Variants in GPR35 observed in about 807,000 individuals in gnomAD.
GPR35 encodes the protein G protein-coupled receptor 35, also known as KYNA receptor.
For missense variants in GPR35, 372 were observed against 422.5 expected, an observed-to-expected ratio of 0.88 and a Z score of 1.05; for synonymous variants, 207 against 198.4, an observed-to-expected ratio of 1.04 and a Z score of -0.36.
intron 2 of GPR35, among the ~76,000 whole-genome samples, chr2:240,614,283 C>A (rs1446003084): frequency 6.6e-6 from 1 of 152,196 alleles, no homozygotes; most frequent in Non-Finnish European, 1.5e-5. Context: ...CTAACCCTGA[C>A]TCTAGTCCTC....
chr2:240,614,357 C>A (rs2043219347), intron 2 of GPR35, among the ~76,000 whole-genome samples: 1 of 152,224 alleles, frequency 6.6e-6, no homozygotes, highest in South Asian at 2.1e-4. Context: ...AATCCAAATG[C>A]ACCCTCTGAT....
At chr2:240,618,760 T>C (rs1003809933) in intron 4 of GPR35, 1 of 468,628 alleles carries the variant, frequency 2.1e-6, no homozygotes, top group African/African-American at 2.0e-5. Context: ...AACATACAGC[T>C]GATGGCTCCA....
chr2:240,623,035 G>A (rs1315901814), upstream of GPR35, among the ~76,000 whole-genome samples: 1 of 142,194 alleles, frequency 7.0e-6, no homozygotes, highest in Admixed American at 6.9e-5. Context: ...GGCCTGAGCA[G>A]CAGCAGAGGA....
chr2:240,616,947 G>T (rs374821504), intron 3 of GPR35: 9 of 773,590 alleles, frequency 1.2e-5, no homozygotes, highest in Non-Finnish European at 1.9e-5. Context: ...CAGGCCAGCT[G>T]CCCATTGGGA....
chr2:240,616,264 G>A (rs1293529854), intron 2 of GPR35: 3 of 628,394 alleles, frequency 4.8e-6, no homozygotes, highest in South Asian at 3.7e-5. Context: ...CATTGGGCTC[G>A]TGGTCCCAAC....
At chr2:240,608,902 C>T (rs2043159679) in intron 2 of GPR35, among the ~76,000 whole-genome samples, 1 of 152,184 alleles carries the variant, frequency 6.6e-6, no homozygotes, top group Non-Finnish European at 1.5e-5. Context: ...AATTCAACAA[C>T]TTTAATAGAT....
At chr2:240,607,762 C>A (rs1376745912) in intron 2 of GPR35, among the ~76,000 whole-genome samples, 1 of 151,856 alleles carries the variant, frequency 6.6e-6, no homozygotes, top group African/African-American at 2.4e-5. Flanking sequence ...TTAGGATTTT[C>A]TTTTTCTCCC....
intron 1 of GPR35, among the ~76,000 whole-genome samples, chr2:240,606,044 G>T (rs551890095): frequency 6.6e-6 from 1 of 152,270 alleles, no homozygotes; most frequent in African/African-American, 2.4e-5. Context: ...GCCATAGCTT[G>T]CAGGCCATCT....
intron 1 of GPR35, among the ~76,000 whole-genome samples, chr2:240,626,991 C>A (rs886539982): frequency 6.6e-6 from 1 of 152,170 alleles, no homozygotes; most frequent in African/African-American, 2.4e-5. Context: ...CCGAGGGTGA[C>A]CTTGTCATCA....
intron 1 of GPR35, among the ~76,000 whole-genome samples, chr2:240,627,166 G>A (rs1166898918): frequency 6.6e-6 from 1 of 152,196 alleles, no homozygotes; most frequent in Non-Finnish European, 1.5e-5. Context: ...AGCTGAGGCG[G>A]GAGGCCAGCT....
In GPR35 at chr2:240,630,715, C is replaced by T. The variant is rs763867971; in HGVS notation, c.763C>T (p.Arg255Cys). The change falls in exon 2 of 2, where the codon CGT (arginine) becomes TGT (cysteine). Residue 255 changes from arginine (R) to cysteine (C), a missense_variant. Coordinates refer to ENST00000407714, the MANE Select transcript of GPR35 (RefSeq NM_005301.5). ...WNACALLETI[R>C]RALYITSKLS... is the part of the protein sequence containing the mutation. ...CGCCTGTGCCCTCCTGGAGACGATC[C>T]GTCGCGCCCTGTACATAACCAGCAA... 24 of 1,613,418 alleles carry T rather than the reference C, an allele frequency of 1.5e-5. No homozygotes were observed. Among genetic ancestry groups the T allele is most frequent in the Non-Finnish European group, 2.0e-5 (24 of 1,180,054 alleles).
At chr2:240,615,284 T>C (rs993864069) in intron 2 of GPR35, among the ~76,000 whole-genome samples, 1 of 152,190 alleles carries the variant, frequency 6.6e-6, no homozygotes, top group Non-Finnish European at 1.5e-5. Flanking sequence ...CCGAGTCCTC[T>C]CTAAGCCTCA....
At chr2:240,621,690 G>A (rs1310168579), upstream of GPR35, among the ~76,000 whole-genome samples, 1 of 152,190 alleles carries the variant, frequency 6.6e-6, no homozygotes, top group Non-Finnish European at 1.5e-5. Flanking sequence ...ACTCAGGAAG[G>A]AAGTGGAGGC....
chr2:240,625,189 C>T, upstream of GPR35: 1 of 850,724 alleles, frequency 1.2e-6, no homozygotes, highest in Non-Finnish European at 1.4e-6. Flanking sequence ...GAGGAAGGCT[C>T]CGTGGGCGGG....
At chr2:240,610,468 T>G (rs1339819027) in intron 2 of GPR35, among the ~76,000 whole-genome samples, 1 of 152,166 alleles carries the variant, frequency 6.6e-6, no homozygotes, top group African/African-American at 2.4e-5. Flanking sequence ...ATTTCTTGCT[T>G]TCTTTTCCCC....
At chr2:240,623,958 G>A (rs2043337938), upstream of GPR35, among the ~76,000 whole-genome samples, 1 of 150,128 alleles carries the variant, frequency 6.7e-6, no homozygotes, top group Non-Finnish European at 1.5e-5. Flanking sequence ...TGCTGGGGAG[G>A]AGTGATGCCC....
intron 1 of GPR35, chr2:240,629,144 G>C (rs1189366327): frequency 6.6e-6 from 1 of 152,554 alleles, no homozygotes; most frequent in Non-Finnish European, 1.5e-5. Flanking sequence ...GGGTGACTTT[G>C]TGGGTGGTCC....
At chr2:240,609,715 A>C (rs903841996) in intron 2 of GPR35, among the ~76,000 whole-genome samples, 3 of 152,206 alleles carry the variant, frequency 2.0e-5, no homozygotes, top group Admixed American at 6.5e-5. Flanking sequence ...TGTTCTATAA[A>C]CATCAGTTTG....
chr2:240,605,715 A>G (rs112644405), intron 1 of GPR35: 1,527 of 152,138 alleles, frequency 0.01, 12 homozygotes, highest in Middle Eastern at 0.024. Context: ...TGCTTTCTTC[A>G]TGGTTGCGCC....
Sources: gnomAD v4.1 joint callset for allele counts (sites outside exome capture counted in the v4.1 genomes callset) on GRCh38, gnomAD v4.1.1 for gene constraint, MANE v1.5 for transcripts, NCBI Gene and HGNC (gene_info 2026-07-23, HGNC 2026-07-21) for gene names.